The following RANBP2 variants were observed in gnomAD, a reference collection of about 807,000 sequenced individuals.
RANBP2 encodes the protein RAN binding protein 2.
In RANBP2, 57 loss-of-function variants were observed where a neutral mutation model predicts 303.6. The observed-to-expected ratio is 0.19, with a 90% CI of 0.15 to 0.23. The LOEUF (loss-of-function observed/expected upper bound fraction) is 0.23, where lower values mean the gene tolerates loss of function less well. Ranked by LOEUF, RANBP2 falls within the 10% of genes least tolerant of loss-of-function variation. The pLI, the probability that RANBP2 is intolerant of heterozygous loss-of-function variation, is 1.00. For missense variants in RANBP2, 3,138 were observed against 3,780.8 expected, an observed-to-expected ratio of 0.83 and a Z score of 4.46; for synonymous variants, 1,167 against 1,301.5, an observed-to-expected ratio of 0.90 and a Z score of 2.23.
At chr2:109,386,864 G>A in the RANBP2 span, among the ~76,000 whole-genome samples, 6 of 152,136 alleles carry the variant, frequency 3.9e-5, no homozygotes, top group African/African-American at 7.2e-5. Flanking sequence ...GGCACCTCAC[G>A]CTTTGTACAA....
chr2:109,402,762 C>T, the RANBP2 span, among the ~76,000 whole-genome samples: 21 of 152,296 alleles, frequency 1.4e-4, no homozygotes, highest in Middle Eastern at 6.8e-3. Flanking sequence ...ACTTCTGGGC[C>T]ATGGGGGGCA....
the RANBP2 span, among the ~76,000 whole-genome samples, chr2:109,036,672 G>A: frequency 5.9e-5 from 9 of 152,118 alleles, no homozygotes; most frequent in Non-Finnish European, 8.8e-5. Flanking sequence ...TAGGAATGGC[G>A]GGGAGTGGTG....
the RANBP2 span, among the ~76,000 whole-genome samples, chr2:108,892,753 T>C: frequency 6.6e-6 from 1 of 152,212 alleles, no homozygotes; most frequent in Non-Finnish European, 1.5e-5. Context: ...ACCCTTTCCC[T>C]GAATTGGGAA....
the RANBP2 span, among the ~76,000 whole-genome samples, chr2:109,191,841 C>CCTT: frequency 2.0e-5 from 3 of 152,200 alleles, no homozygotes; most frequent in African/African-American, 7.2e-5. Flanking sequence ...GTTATAAAAA[C>CCTT]AATAACCCTT....
At chr2:109,097,252 T>G in the RANBP2 span, among the ~76,000 whole-genome samples, 1 of 151,918 alleles carries the variant, frequency 6.6e-6, no homozygotes, top group Admixed American at 6.6e-5. Context: ...TGCAGTGAGG[T>G]GAGATCGCGC....
the RANBP2 span, among the ~76,000 whole-genome samples, chr2:109,290,231 C>G: frequency 6.6e-6 from 1 of 152,198 alleles, no homozygotes; most frequent in Non-Finnish European, 1.5e-5. Flanking sequence ...CACATCACAT[C>G]ATTCCTTCTC....
chr2:109,066,071 G>A, the RANBP2 span, among the ~76,000 whole-genome samples: 1 of 151,500 alleles, frequency 6.6e-6, no homozygotes, highest in Non-Finnish European at 1.5e-5. Context: ...CCGAGTAGCT[G>A]GGATTACAGG....
the RANBP2 span, among the ~76,000 whole-genome samples, chr2:109,335,681 G>A: frequency 2.0e-5 from 3 of 152,060 alleles, no homozygotes; most frequent in African/African-American, 7.2e-5. Context: ...AACTCCACCC[G>A]GGTGGGGACC....
At chr2:109,318,568 C>T in the RANBP2 span, among the ~76,000 whole-genome samples, 1 of 152,176 alleles carries the variant, frequency 6.6e-6, no homozygotes, top group Non-Finnish European at 1.5e-5. Flanking sequence ...TGTGTTGGTT[C>T]AAAGTCATGT....
chr2:109,258,962 G>A, the RANBP2 span, among the ~76,000 whole-genome samples: 1 of 152,184 alleles, frequency 6.6e-6, no homozygotes, highest in Non-Finnish European at 1.5e-5. Flanking sequence ...TTCTGCCCAC[G>A]GGGCATCCGC....
chr2:109,723,518 T>A, the RANBP2 span, among the ~76,000 whole-genome samples: 27 of 152,206 alleles, frequency 1.8e-4, no homozygotes, highest in Admixed American at 5.9e-4. Context: ...TCTATAATGA[T>A]CAGTGATGTT....
At chr2:109,765,726 C>G in the RANBP2 span, among the ~76,000 whole-genome samples, 3 of 150,912 alleles carry the variant, frequency 2.0e-5, no homozygotes, top group Non-Finnish European at 4.4e-5. Context: ...CTAACACAGG[C>G]AGGGAGGGAT....
At chr2:109,256,053 A>G in the RANBP2 span, among the ~76,000 whole-genome samples, 1 of 152,108 alleles carries the variant, frequency 6.6e-6, no homozygotes, top group Non-Finnish European at 1.5e-5. Context: ...CTCCTCACAA[A>G]TGTAAGCCTG....
chr2:108,824,213 T>G, the RANBP2 span, among the ~76,000 whole-genome samples: 1 of 152,360 alleles, frequency 6.6e-6, no homozygotes, highest in South Asian at 2.1e-4. Flanking sequence ...ACTGTAATCT[T>G]TTTACTTTAT....
chr2:109,766,704 C>T, the RANBP2 span, among the ~76,000 whole-genome samples: 1 of 116,288 alleles, frequency 8.6e-6, no homozygotes, highest in Non-Finnish European at 1.7e-5. Context: ...GATTAATAGG[C>T]AAATTAAGAA....
the RANBP2 span, among the ~76,000 whole-genome samples, chr2:109,518,723 G>A: frequency 6.6e-6 from 1 of 152,062 alleles, no homozygotes; most frequent in Non-Finnish European, 1.5e-5. Flanking sequence ...TTGCACTGCT[G>A]TAAAGAAATA....
chr2:109,204,668 C>T, the RANBP2 span, among the ~76,000 whole-genome samples: 2 of 152,210 alleles, frequency 1.3e-5, no homozygotes, highest in Non-Finnish European at 2.9e-5. Flanking sequence ...TGCTGGCAGG[C>T]AGGATGCCCC....
chr2:109,652,225 TTG>T, the RANBP2 span, among the ~76,000 whole-genome samples: 3 of 144,458 alleles, frequency 2.1e-5, no homozygotes, highest in African/African-American at 8.5e-5. Flanking sequence ...GGATTTTTGT[TTG>T]TTTTTTTTTT....
In RANBP2 at chr2:108,784,877, T is replaced by C. The variant is rs1407191505; in HGVS notation, c.*976T>C. 2.0e-5 allele frequency: 3 copies of C among 152,478 alleles called. No homozygotes were observed. The highest frequency in any genetic ancestry group is 7.2e-5 in the African/African-American group (3 of 41,446). 9.4% of individuals were successfully genotyped at this position (152,478 alleles called of 1,614,324 possible). A position where few individuals can be genotyped will look rare whatever the true frequency, so the allele number is the denominator to read the frequency against. ...CAATTTAAAGGCAGTAAATTCAAAC[T>C]GCTGCATAATTTCCAGAGCTCCTAG... On this transcript the variant is annotated 3_prime_UTR_variant, in exon 29 of 29. Transcript: ENST00000283195.
Sources: allele counts gnomAD v4.1 joint callset (sites outside exome capture counted in the v4.1 genomes callset), GRCh38; gene constraint gnomAD v4.1.1; transcripts MANE v1.5; gene names NCBI Gene and HGNC (gene_info 2026-07-23, HGNC 2026-07-21).